Variants in DNAH9 observed in about 807,000 individuals in gnomAD.
DNAH9 encodes the protein DNAH9 variant protein.
In DNAH9, 345 loss-of-function variants were observed where a neutral mutation model predicts 471.6. The observed-to-expected ratio is 0.73, with a 90% confidence interval of 0.67 to 0.80. The LOEUF is 0.80. Among genes scored for constraint, DNAH9 ranks in the 30% least tolerant of loss-of-function variants. The pLI is 0.00. For synonymous variants in DNAH9, 2,093 were observed against 2,123.6 expected (o/e 0.99, Z 0.40); for missense variants, 5,407 against 5,609.2 (o/e 0.96, Z 1.15).
intron 48 of DNAH9, among the ~76,000 whole-genome samples, chr17:11,825,374 C>G (rs1036275698): frequency 2.0e-5 from 3 of 152,180 alleles, no homozygotes; most frequent in Non-Finnish European, 4.4e-5. Flanking sequence ...CCCTGTTCTC[C>G]CTCCTATCTA....
At position 11,699,762 on chromosome 17, in the gene DNAH9, A is replaced by C; in HGVS notation, c.4904A>C (p.Asn1635Thr). Residue 1635 changes from asparagine (N) to threonine (T), a missense_variant, in exon 23 of 69, where the codon AAC becomes ACC. Physicochemically the swap from Asn to Thr is moderately conservative, Grantham distance 65. Around this residue, in one of 3 missense-constraint regions of DNAH9, gnomAD observed 4,636 missense variants for 4,900.3 expected, o/e 0.95. Coordinates refer to ENST00000262442, the MANE Select transcript of DNAH9 (RefSeq NM_001372.4). Reference sequence around the variant, plus strand: ...CGTCACCTTTCCAAACTCTTTGACAACATGGCCAAGATGCGATTCCAGCTA... The same window carrying C: ...CGTCACCTTTCCAAACTCTTTGACACCATGGCCAAGATGCGATTCCAGCTA... ...VQRHLSKLFD[N>T]MAKMRFQLDA... 1 of 1,614,168 alleles carries C rather than the reference A, an allele frequency of 6.2e-7. No homozygotes were observed. The highest frequency in any genetic ancestry group is 8.5e-7 in the Non-Finnish European group (1 of 1,180,006).
chr17:11,901,193 A>T (rs1208250143), intron 59 of DNAH9, among the ~76,000 whole-genome samples: 1 of 152,186 alleles, frequency 6.6e-6, no homozygotes, highest in African/African-American at 2.4e-5. Flanking sequence ...ACTTCCCTCC[A>T]GCACCAAAAG....
At chr17:11,920,002 C>T (rs894847720) in intron 61 of DNAH9, among the ~76,000 whole-genome samples, 3 of 150,460 alleles carry the variant, frequency 2.0e-5, no homozygotes, top group African/African-American at 4.9e-5. Context: ...CACTGGGAAT[C>T]GGCAGCAGAA....
intron 9 of DNAH9, among the ~76,000 whole-genome samples, chr17:11,637,107 C>A (rs1038092244): frequency 6.6e-6 from 1 of 152,150 alleles, no homozygotes; most frequent in Non-Finnish European, 1.5e-5. Flanking sequence ...CTTCAACACG[C>A]CTCCATTCGA....
chr17:11,871,908 C>G, intron 52 of DNAH9, 122 bp downstream of exon 52: 1 of 1,091,624 alleles, frequency 9.2e-7, no homozygotes. Flanking sequence ...ACCCCCTGAG[C>G]ACCAGGTGTG....
chr17:11,636,515 CT>C, intron 8 of DNAH9, 118 bp from the exon 9 acceptor site: 1 of 698,556 alleles, frequency 1.4e-6, no homozygotes, highest in Non-Finnish European at 2.5e-6. Context: ...CACAATAACA[CT>C]GTTCACTCTT....
chr17:11,916,578 T>A (rs1973965350), intron 61 of DNAH9, among the ~76,000 whole-genome samples: 1 of 152,230 alleles, frequency 6.6e-6, no homozygotes, highest in Admixed American at 6.5e-5. Context: ...CTAAACATTT[T>A]CCCCATGTCC....
chr17:11,875,284 C>A, intron 53 of DNAH9, 100 bp downstream of exon 53: 1 of 891,860 alleles, frequency 1.1e-6, no homozygotes, highest in Non-Finnish European at 1.7e-6. Context: ...TTGTACACTC[C>A]TGGTCTCTCC....
chr17:11,890,778 A>T (rs750461641), intron 57 of DNAH9, among the ~76,000 whole-genome samples: 2 of 152,038 alleles, frequency 1.3e-5, no homozygotes, highest in Non-Finnish European at 2.9e-5. Context: ...GCACCAGCAT[A>T]GTTCATTGCA....
intron 40 of DNAH9, among the ~76,000 whole-genome samples, chr17:11,784,057 C>A (rs1345894161): frequency 2.0e-5 from 3 of 152,092 alleles, no homozygotes; most frequent in African/African-American, 4.8e-5. Context: ...GACTCAGATT[C>A]TCTGAGTCCA....
At chr17:11,753,794 G>T (rs1348636503) in intron 33 of DNAH9, among the ~76,000 whole-genome samples, 2 of 152,176 alleles carry the variant, frequency 1.3e-5, no homozygotes, top group Admixed American at 1.3e-4. Flanking sequence ...ATGCTCTCCT[G>T]GAGAGAGTAC....
Position 11,886,953 on chromosome 17 carries a change from G to C in DNAH9, c.11100G>C (p.Gln3700His). The change falls in exon 57 of 69, where the codon CAG becomes CAC. Residue 3700 changes from glutamine to histidine, a missense_variant. Gln to His is a conservative substitution (Grantham distance 24, BLOSUM62 0). This residue lies in a region of DNAH9 where 4,636 missense variants were observed against 4,900.3 expected (regional missense o/e 0.95). Coordinates refer to ENST00000262442, the MANE Select transcript of DNAH9 (RefSeq NM_001372.4). ...TCAGCAAGATCCATCCAATGTACCA[G>C]TTTTCTCTCAAGGTGACTTACACCT... ...NDLSKIHPMY[Q>H]FSLKAFSIVF... The C allele has an allele frequency of 1.2e-6, 2 of 1,609,218 alleles. No homozygotes were observed. Among genetic ancestry groups the C allele is most frequent in the Non-Finnish European group, 1.7e-6 (2 of 1,177,854 alleles).
chr17:11,673,187 C>A (rs1476072037), intron 17 of DNAH9, among the ~76,000 whole-genome samples: 1 of 152,196 alleles, frequency 6.6e-6, no homozygotes. Flanking sequence ...CTTTCAGACT[C>A]CTGTTTCCTT....
At chr17:11,609,633 T>C (rs748642805) in intron 2 of DNAH9, among the ~76,000 whole-genome samples, 17 of 152,236 alleles carry the variant, frequency 1.1e-4, no homozygotes, top group Non-Finnish European at 1.6e-4. Context: ...TTCTTTGTCG[T>C]TGTGTCCTTG....
intron 1 of DNAH9, among the ~76,000 whole-genome samples, chr17:11,603,876 G>C (rs1025407203): frequency 2.6e-5 from 4 of 152,126 alleles, no homozygotes; most frequent in Middle Eastern, 3.4e-3. Context: ...GTCCTCGTTC[G>C]GCTTGACCTG....
chr17:11,745,028 G>T lies in DNAH9; in HGVS notation c.6343G>T (p.Val2115Phe), dbSNP rs1490781302. Residue 2115 changes from valine (V) to phenylalanine (F), a missense_variant, in exon 31 of 69, where the codon GTT (valine) becomes TTT (phenylalanine). Physicochemically the swap from Val to Phe is conservative, Grantham distance 50 (BLOSUM62 -1). Coordinates refer to ENST00000262442, the MANE Select transcript of DNAH9 (RefSeq NM_001372.4). ...GAGAGACCCCAACTTCGAAGCTTTGGTTAGGAAGGCGATAGTGGATCTGAA... is the reference window on the plus strand; with the variant it reads ...GAGAGACCCCAACTTCGAAGCTTTGTTTAGGAAGGCGATAGTGGATCTGAA... The part of the protein sequence containing the change: ...RRRDPNFEAL[V>F]RKAIVDLKLQ... The T allele has an allele frequency of 3.7e-6, 6 of 1,614,056 alleles. No homozygotes were observed. The highest frequency in any genetic ancestry group is 5.1e-6 in the Non-Finnish European group (6 of 1,180,028).
chr17:11,656,657 AGTTTTTAC>A (rs1345464960), intron 14 of DNAH9, among the ~76,000 whole-genome samples: 1 of 152,146 alleles, frequency 6.6e-6, no homozygotes, highest in African/African-American at 2.4e-5. Context: ...GAGCTCAGTG[AGTTTTTAC>A]AAATGTATAC....
At chr17:11,685,419 C>A (rs1180049439) in intron 19 of DNAH9, among the ~76,000 whole-genome samples, 1 of 152,168 alleles carries the variant, frequency 6.6e-6, no homozygotes, top group Non-Finnish European at 1.5e-5. Flanking sequence ...ACCATAATCT[C>A]AGCCACTGAG....
In DNAH9 at chr17:11,969,411, C is replaced by T; in HGVS notation, c.13345C>T (p.Pro4449Ser). 1 of 1,613,976 alleles carries T rather than the reference C, an allele frequency of 6.2e-7. No individual in the cohort carries two copies. The highest frequency in any genetic ancestry group is 8.5e-7 in the Non-Finnish European group (1 of 1,179,998). The change falls in exon 69 of 69, where the codon CCT becomes TCT. Residue 4449 changes from proline (P) to serine (S), a missense_variant. Coordinates refer to ENST00000262442, the MANE Select transcript of DNAH9 (RefSeq NM_001372.4). ...GGACTGCCGCAGTGTCTATTCCTGT[C>T]CTGTGTACAAGACTAGTCAGCGGGG... ...KQDCRSVYSC[P>S]VYKTSQRGPT...
Sources: allele counts gnomAD v4.1 joint callset (sites outside exome capture counted in the v4.1 genomes callset), GRCh38; gene constraint gnomAD v4.1.1; regional missense constraint gnomAD v4.1.1; transcripts MANE v1.5; gene names NCBI Gene and HGNC (gene_info 2026-07-23, HGNC 2026-07-21).